TENM4: variants seen among roughly 807,000 people sequenced by gnomAD.
TENM4 encodes teneurin-4.
TENM4 carries 82 observed loss-of-function variants against 243.3 expected under a neutral mutation model. The observed-to-expected ratio is 0.34, with a 90% CI of 0.28 to 0.40. The LOEUF (loss-of-function observed/expected upper bound fraction) is 0.40. TENM4 is among the 10% of genes least tolerant of loss of function. TENM4 has a pLI of 1.00. For missense variants in TENM4, 3,138 were observed against 3,673.3 expected, an observed-to-expected ratio of 0.85 and a Z score of 3.77; for synonymous variants, 1,412 against 1,456.3, an observed-to-expected ratio of 0.97 and a Z score of 0.69.
At chr11:79,323,367 T>A (rs1354778996) in intron 1 of TENM4, among the ~76,000 whole-genome samples, 2 of 152,204 alleles carry the variant, frequency 1.3e-5, no homozygotes, top group African/African-American at 4.8e-5. Context: ...TACAGCATGA[T>A]GAGGACTGAA....
intron 1 of TENM4, among the ~76,000 whole-genome samples, chr11:79,326,067 G>T (rs556417279): frequency 1.4e-4 from 21 of 152,310 alleles, no homozygotes; most frequent in South Asian, 8.3e-4. Flanking sequence ...GCAAACGTGC[G>T]CCTTATCCCA....
intron 12 of TENM4, among the ~76,000 whole-genome samples, chr11:78,851,768 T>C (rs895786305): frequency 2.0e-5 from 3 of 152,172 alleles, no homozygotes; most frequent in Non-Finnish European, 4.4e-5. Context: ...CCTAACAAGA[T>C]GACGGCCAGA....
intron 4 of TENM4, among the ~76,000 whole-genome samples, chr11:79,081,656 T>C (rs1860678264): frequency 6.6e-6 from 1 of 152,058 alleles, no homozygotes; most frequent in Middle Eastern, 3.2e-3. Flanking sequence ...CTTTTGCTAT[T>C]GAGCCCTGGG....
chr11:79,060,703 C>G (rs1860063721), intron 6 of TENM4, among the ~76,000 whole-genome samples: 2 of 152,332 alleles, frequency 1.3e-5, no homozygotes, highest in South Asian at 2.1e-4. Flanking sequence ...TGCCAACTTG[C>G]TGACTCGCAG....
chr11:79,438,853 T>C lies in TENM4; in HGVS notation c.-321+1656A>G, dbSNP rs956951447. ...CTTAGTCCCTGCCTCGGTAACCGGT[T>C]CTTTGGGGACAGCAGCATCAGCACC... On this transcript the variant is annotated intron_variant, in intron 1 of 33. Transcript: ENST00000278550. The surrounding 1 kb of genome is among the most constrained non-coding windows in gnomAD (Gnocchi z 4.1). 4 of 152,112 alleles carry C rather than the reference T, an allele frequency of 2.6e-5. No individual in the cohort carries two copies. The highest frequency in any genetic ancestry group is 9.7e-5 in the African/African-American group (4 of 41,392). 9.4% of individuals were successfully genotyped at this position (152,112 alleles called of 1,614,324 possible). A position where few individuals can be genotyped will look rare whatever the true frequency, so the allele number is the denominator to read the frequency against.
At chr11:79,081,505 T>C (rs1480767982) in intron 4 of TENM4, among the ~76,000 whole-genome samples, 2 of 151,262 alleles carry the variant, frequency 1.3e-5, no homozygotes, top group African/African-American at 2.4e-5. Flanking sequence ...ACAGCAGGGA[T>C]TACCCAGGCT....
intron 12 of TENM4, among the ~76,000 whole-genome samples, chr11:78,830,723 C>G (rs571943364): frequency 6.6e-6 from 1 of 152,274 alleles, no homozygotes; most frequent in East Asian, 1.9e-4. Flanking sequence ...CTCTCAGACC[C>G]TGGGGAAATC....
intron 2 of TENM4, among the ~76,000 whole-genome samples, chr11:79,285,756 C>CA (rs112864533): frequency 0.033 from 4,505 of 137,862 alleles, 172 homozygotes; most frequent in East Asian, 0.16. Flanking sequence ...TGAAAAAAAC[C>CA]AAAAAAAAAA....
chr11:78,731,632 C>T (rs921411207), intron 21 of TENM4, among the ~76,000 whole-genome samples: 9 of 152,110 alleles, frequency 5.9e-5, no homozygotes, highest in African/African-American at 2.2e-4. Flanking sequence ...CTGGGGACAG[C>T]GAAGGAAATT....
intron 4 of TENM4, among the ~76,000 whole-genome samples, chr11:79,103,539 G>A (rs994498717): frequency 9.9e-5 from 15 of 152,010 alleles, no homozygotes; most frequent in African/African-American, 1.9e-4. Flanking sequence ...AGCATCACTC[G>A]CATACATTAC....
chr11:79,183,594 T>TG (rs1863326536), intron 3 of TENM4, among the ~76,000 whole-genome samples: 1 of 152,182 alleles, frequency 6.6e-6, no homozygotes, highest in South Asian at 2.1e-4. Flanking sequence ...TGGTAACAAA[T>TG]GTACCACTCT....
In TENM4 at chr11:79,120,122, G is replaced by C. The variant is rs186089413; in HGVS notation, c.-66+28588C>G. On this transcript the variant is annotated intron_variant, in intron 4 of 33. Coordinates refer to ENST00000278550, the MANE Select transcript of TENM4 (RefSeq NM_001098816.3). Reference sequence around the variant, plus strand: ...AAGCCCTCATTGTTGGATGAAGAAGGCATGGGAGTAGAAGAGGGAGTGCTT... The same window carrying C: ...AAGCCCTCATTGTTGGATGAAGAAGCCATGGGAGTAGAAGAGGGAGTGCTT... Among the ~76,000 whole-genome samples, 84 of 152,316 alleles carry C rather than the reference G, an allele frequency of 5.5e-4. 2 individuals carry two copies. The highest frequency in any genetic ancestry group is 2.9e-3 in the East Asian group (15 of 5,180).
intron 1 of TENM4, among the ~76,000 whole-genome samples, chr11:79,417,316 G>A (rs893448762): frequency 6.6e-6 from 1 of 152,332 alleles, no homozygotes; most frequent in South Asian, 2.1e-4. Flanking sequence ...GAGCAGGTCA[G>A]CCAGCCTCTT....
At chr11:79,347,939 C>T (rs1857355024) in intron 1 of TENM4, among the ~76,000 whole-genome samples, 1 of 151,746 alleles carries the variant, frequency 6.6e-6, no homozygotes, top group African/African-American at 2.4e-5. Context: ...GCCACCGCGC[C>T]CGGCTAATTT....
At chr11:79,065,842 A>G (rs956120446) in intron 5 of TENM4, among the ~76,000 whole-genome samples, 2 of 152,158 alleles carry the variant, frequency 1.3e-5, no homozygotes, top group Non-Finnish European at 2.9e-5. Context: ...GAGAATGCTG[A>G]CTTCATGGAA....
At chr11:78,952,052 G>A (rs759691890) in intron 6 of TENM4, among the ~76,000 whole-genome samples, 24 of 152,092 alleles carry the variant, frequency 1.6e-4, no homozygotes, top group Non-Finnish European at 3.5e-4. Context: ...GCTGCTTCAG[G>A]GCAAACTGTT....
intron 4 of TENM4, among the ~76,000 whole-genome samples, chr11:79,070,964 G>C (rs1443928610): frequency 6.6e-6 from 1 of 152,198 alleles, no homozygotes; most frequent in East Asian, 1.9e-4. Flanking sequence ...GCCACCGTCA[G>C]CACTGGGCAG....
intron 1 of TENM4, among the ~76,000 whole-genome samples, chr11:79,393,425 A>G (rs1440640040): frequency 6.6e-6 from 1 of 152,184 alleles, no homozygotes; most frequent in Non-Finnish European, 1.5e-5. Context: ...GCTTTTAAAG[A>G]CAAAATGGGA....
Position 79,070,763 on chromosome 11 carries a change from C to T in TENM4, c.-65-754G>A, listed in dbSNP as rs1591260067. Among the ~76,000 whole-genome samples the T allele has an allele frequency of 2.0e-5, 3 of 152,228 alleles. No homozygotes were observed. In the South Asian group the frequency reaches 6.2e-4, roughly 32 times the overall value. Reference sequence around the variant, plus strand: ...TGAGAAAACTGAGACTCGGAACCCCCTTCAAGGTCACTTAGGTGTCAAGTA... The same window carrying T: ...TGAGAAAACTGAGACTCGGAACCCCTTTCAAGGTCACTTAGGTGTCAAGTA... On this transcript the variant is annotated intron_variant, in intron 4 of 33. Transcript: ENST00000278550.
Sources: allele counts gnomAD v4.1 joint callset (sites outside exome capture counted in the v4.1 genomes callset), GRCh38; gene constraint gnomAD v4.1.1; non-coding constraint Gnocchi (gnomAD v3.1); transcripts MANE v1.5; gene names NCBI Gene and HGNC (gene_info 2026-07-23, HGNC 2026-07-21).